Variants in B3GALT1 observed in about 807,000 individuals in gnomAD.
B3GALT1 encodes UDP-Gal:betaGlcNAc beta 1,3-galactosyltransferase, polypeptide 1.
B3GALT1 carries 10 observed loss-of-function variants against 23.2 expected under a neutral mutation model. The ratio of observed to expected loss-of-function variants is 0.43; its 90% CI spans 0.27 to 0.73. The LOEUF is 0.73. Among genes scored for constraint, B3GALT1 ranks in the 30% least tolerant of loss-of-function variants. The pLI is 0.21. For synonymous variants in B3GALT1, 156 were observed against 141.5 expected, an observed-to-expected ratio of 1.10 and a Z score of -0.73; for missense variants, 299 against 405.4, an observed-to-expected ratio of 0.74 and a Z score of 2.25.
intron 1 of B3GALT1, among the ~76,000 whole-genome samples, chr2:167,479,090 AAAT>A (rs1253003024): frequency 4.6e-5 from 7 of 151,890 alleles, no homozygotes; most frequent in African/African-American, 1.4e-4. Context: ...GTAAATAAAT[AAAT>A]AATAAATAAA....
intron 1 of B3GALT1, among the ~76,000 whole-genome samples, chr2:167,398,631 A>G (rs1413898749): frequency 1.3e-5 from 2 of 152,178 alleles, no homozygotes; most frequent in Non-Finnish European, 2.9e-5. Context: ...AAGTGTTAAC[A>G]GTTCATGAGA....
At chr2:167,339,303 T>C (rs1697111638) in intron 1 of B3GALT1, among the ~76,000 whole-genome samples, 1 of 152,044 alleles carries the variant, frequency 6.6e-6, no homozygotes, top group African/African-American at 2.4e-5. Flanking sequence ...GTTGCGCAGG[T>C]AATACAAATG....
At chr2:167,356,881 C>T (rs1018573909) in intron 1 of B3GALT1, among the ~76,000 whole-genome samples, 8 of 151,820 alleles carry the variant, frequency 5.3e-5, no homozygotes, top group East Asian at 1.9e-4. Flanking sequence ...TCTTGGTTCA[C>T]GTATAGTCAG....
At chr2:167,787,532 G>C (rs555061888) in intron 3 of B3GALT1, among the ~76,000 whole-genome samples, 5 of 152,292 alleles carry the variant, frequency 3.3e-5, no homozygotes, top group African/African-American at 1.2e-4. Flanking sequence ...CAGCATAAAT[G>C]GTACTTCTCT....
At chr2:167,835,405 T>C (rs903519458) in intron 4 of B3GALT1, among the ~76,000 whole-genome samples, 1 of 152,220 alleles carries the variant, frequency 6.6e-6, no homozygotes, top group Admixed American at 6.5e-5. Flanking sequence ...TGGAGGGTCC[T>C]ATGCCCACGG....
At chr2:167,693,925 A>T (rs894611873) in intron 3 of B3GALT1, among the ~76,000 whole-genome samples, 1 of 152,076 alleles carries the variant, frequency 6.6e-6, no homozygotes, top group Non-Finnish European at 1.5e-5. Flanking sequence ...AGCTGGTCTG[A>T]GCTGGGCAGT....
At chr2:167,374,304 A>G (rs567782306) in intron 1 of B3GALT1, among the ~76,000 whole-genome samples, 2 of 152,348 alleles carry the variant, frequency 1.3e-5, no homozygotes, top group African/African-American at 4.8e-5. Context: ...TGCTATTGTG[A>G]ATAGTTCTGC....
chr2:167,402,069 A>T (rs1698201475), intron 1 of B3GALT1, among the ~76,000 whole-genome samples: 1 of 152,218 alleles, frequency 6.6e-6, no homozygotes, highest in Non-Finnish European at 1.5e-5. Context: ...TTCAGATGGC[A>T]TAAATTTGAG....
intron 1 of B3GALT1, among the ~76,000 whole-genome samples, chr2:167,451,244 G>A (rs1699086601): frequency 6.6e-6 from 1 of 152,064 alleles, no homozygotes; most frequent in African/African-American, 2.4e-5. Flanking sequence ...GAGCTAGTGT[G>A]ATTTTGTGGG....
chr2:167,604,221 C>T (rs1436595776), intron 2 of B3GALT1, among the ~76,000 whole-genome samples: 1 of 152,102 alleles, frequency 6.6e-6, no homozygotes, highest in African/African-American at 2.4e-5. Context: ...GACAAGGAAA[C>T]TTTAATATAC....
At chr2:167,316,452 G>T (rs189381673) in intron 1 of B3GALT1, among the ~76,000 whole-genome samples, 50 of 152,088 alleles carry the variant, frequency 3.3e-4, no homozygotes, top group African/African-American at 1.2e-3. Context: ...AAGAAGAGTG[G>T]TATCTACCCC....
rs1690305192 is a variant in B3GALT1 at position 167,869,728 on chromosome 2, G to A, written c.689G>A (p.Ser230Asn). The change falls in exon 5 of 5, where the codon AGT becomes AAT. Residue 230 changes from serine to asparagine, a missense_variant. By Grantham distance (46) the Ser-to-Asn change is conservative. This residue lies in a region of B3GALT1 where 133 missense variants were observed against 204.8 expected (regional missense o/e 0.65). Coordinates refer to ENST00000392690, the MANE Select transcript of B3GALT1 (RefSeq NM_020981.4). This position sits in a 1 kb window ranked among gnomAD's most constrained non-coding sequence, Gnocchi z 6.4. ...ATGCCCAGGGATTTGTACCCAGACA[G>A]TAACTACCCACCTTTCTGTTCGGGG... ...WYMPRDLYPD[S>N]NYPPFCSGTG... 2 of 1,614,194 alleles carry A rather than the reference G, an allele frequency of 1.2e-6. No homozygotes were observed. The highest frequency in any genetic ancestry group is 8.5e-7 in the Non-Finnish European group (1 of 1,180,020).
At chr2:167,475,839 G>A (rs1699477590) in intron 1 of B3GALT1, among the ~76,000 whole-genome samples, 1 of 152,116 alleles carries the variant, frequency 6.6e-6, no homozygotes, top group Admixed American at 6.6e-5. Context: ...GGCCATGAGG[G>A]AGAATATGTT....
intron 3 of B3GALT1, among the ~76,000 whole-genome samples, chr2:167,726,622 A>G (rs1687320698): frequency 6.6e-6 from 1 of 152,240 alleles, no homozygotes; most frequent in Admixed American, 6.5e-5. Flanking sequence ...TACTTTGTCT[A>G]GTTGACATTC....
intron 1 of B3GALT1, among the ~76,000 whole-genome samples, chr2:167,370,583 A>G (rs1284926075): frequency 2.0e-5 from 3 of 152,254 alleles, no homozygotes; most frequent in African/African-American, 4.8e-5. Context: ...CTTCTGATGG[A>G]AAGACATTGA....
chr2:167,445,897 C>T (rs559783072), intron 1 of B3GALT1, among the ~76,000 whole-genome samples: 1 of 152,244 alleles, frequency 6.6e-6, no homozygotes, highest in East Asian at 1.9e-4. Flanking sequence ...TGAATTTGAT[C>T]CTGTCATTAT....
At chr2:167,803,373 T>G (rs779661222) in intron 3 of B3GALT1, among the ~76,000 whole-genome samples, 4 of 152,232 alleles carry the variant, frequency 2.6e-5, no homozygotes, top group Non-Finnish European at 5.9e-5. Flanking sequence ...TCTCAAATAC[T>G]GTAATCATTT....
At chr2:167,350,207 C>T (rs1350014369) in intron 1 of B3GALT1, among the ~76,000 whole-genome samples, 1 of 152,124 alleles carries the variant, frequency 6.6e-6, no homozygotes, top group African/African-American at 2.4e-5. Context: ...TACTCATTTA[C>T]AGTGGGCTTT....
At chr2:167,516,467 T>A (rs1700101143) in intron 2 of B3GALT1, among the ~76,000 whole-genome samples, 1 of 152,110 alleles carries the variant, frequency 6.6e-6, no homozygotes, top group South Asian at 2.1e-4. Flanking sequence ...CTTACCTCTT[T>A]AATCCTCAAC....
Sources: allele counts gnomAD v4.1 joint callset (sites outside exome capture counted in the v4.1 genomes callset), GRCh38; gene constraint gnomAD v4.1.1; regional missense constraint gnomAD v4.1.1; non-coding constraint Gnocchi (gnomAD v3.1); transcripts MANE v1.5; gene names NCBI Gene and HGNC (gene_info 2026-07-23, HGNC 2026-07-21).